The following TSSK4 variants were observed in gnomAD, a reference collection of about 807,000 sequenced individuals.
TSSK4 encodes testis-specific serine/threonine-protein kinase 4.
TSSK4 carries 22 observed loss-of-function variants against 28.5 expected under a neutral mutation model. The observed-to-expected ratio is 0.77, with a 90% CI of 0.55 to 1.10. The LOEUF is 1.10. TSSK4 is among the 50% of genes least tolerant of loss of function. The probability of loss-of-function intolerance (pLI) is 0.00; values close to 1 mark genes in which losing one functional copy is unlikely to be tolerated. For synonymous variants in TSSK4, 151 were observed against 158.3 expected (o/e 0.95, Z 0.35); for missense variants, 329 against 415.4 (o/e 0.79, Z 1.81).
In TSSK4 at chr14:24,208,107, C is replaced by CACCACTAA. The variant is rs769579318; in HGVS notation, c.981_988dup (p.Gln330ProfsTer16). The CACCACTAA allele has an allele frequency of 6.2e-7, 1 of 1,613,268 alleles. No individual in the cohort carries two copies. The highest frequency in any genetic ancestry group is 1.1e-5 in the South Asian group (1 of 91,062). On this transcript the variant is annotated frameshift_variant, in exon 4 of 4. Coordinates refer to ENST00000339917, the MANE Select transcript of TSSK4 (RefSeq NM_001184739.2). LOFTEE classifies it high-confidence loss of function. ...TTGAGGCCATGTGCCAGCTCCACAA[C>CACCACTAA]ACCACTAAACAGCACCAATCCTTGC...
Position 24,208,176 on chromosome 14 carries a change from A to G in TSSK4, c.*30A>G. On this transcript the variant is annotated 3_prime_UTR_variant, in exon 4 of 4. Coordinates refer to ENST00000339917, the MANE Select transcript of TSSK4 (RefSeq NM_001184739.2). Reference sequence around the variant, plus strand: ...GGCTGAGGGAGGGGGCTAAGAGAGGAGCAAAGCAGGAGGTCTTGGGCTAAA... The same window carrying G: ...GGCTGAGGGAGGGGGCTAAGAGAGGGGCAAAGCAGGAGGTCTTGGGCTAAA... The G allele has an allele frequency of 1.3e-6, 2 of 1,560,282 alleles. No homozygotes were observed. Among genetic ancestry groups the G allele is most frequent in the African/African-American group, 1.4e-5 (1 of 73,122 alleles).
chr14:24,206,194 T>G (rs2138852222), intron 1 of TSSK4, 46 bp downstream of exon 1: 1 of 1,584,446 alleles, frequency 6.3e-7, no homozygotes, highest in African/African-American at 1.3e-5. Context: ...GGTACTAAGC[T>G]GCTTGAGGTT....
chr14:24,206,855 A>G, intron 2 of TSSK4, 132 bp downstream of exon 2: 1 of 1,069,664 alleles, frequency 9.3e-7, no homozygotes, highest in East Asian at 2.6e-5. Flanking sequence ...CTCTATTTTA[A>G]TCATATGGTC....
chr14:24,206,984 A>T, intron 2 of TSSK4, 132 bp from the exon 3 acceptor site: 1 of 1,318,008 alleles, frequency 7.6e-7, no homozygotes, highest in South Asian at 1.2e-5. Flanking sequence ...TCTGCTCACA[A>T]CTCCATGGCT....
Position 24,206,028 on chromosome 14 carries a change from C to T in TSSK4, c.105C>T (p.Ser35=). 2 of 1,614,216 alleles carry T rather than the reference C, an allele frequency of 1.2e-6. No homozygotes were observed. The highest frequency in any genetic ancestry group is 1.7e-6 in the Non-Finnish European group (2 of 1,180,042). ...TGGGCAAGGCCATTGGCCATGGCTC[C>T]TATGGGTCGGTATATGAGGCTTTCT... The part of the protein sequence containing the change: ...YEVGKAIGHG[S]YGSVYEAFYT... Residue 35 remains serine (S), a synonymous_variant, in exon 1 of 4, where the codon TCC becomes TCT. Transcript: ENST00000339917.
Position 24,208,142 on chromosome 14 carries a change from C to A in TSSK4, c.1013C>A (p.Thr338Asn), listed in dbSNP as rs556841296. ...TKQHQSLQIT[T>N] ...CAGCACCAATCCTTGCAAATTACGA[C>A]CTGAAAATGGCTGAGGGAGGGGGCT... The change falls in exon 4 of 4, where the codon ACC becomes AAC. Residue 338 changes from threonine to asparagine, a missense_variant. By Grantham distance (65) the Thr-to-Asn change is moderately conservative (BLOSUM62 0). Transcript: ENST00000339917. 2.5e-6 allele frequency: 4 copies of A among 1,599,346 alleles called. 1 individual carries two copies. The African/African-American group carries it at 4.0e-5, about 16-fold the overall frequency.
At chr14:24,207,022 T>C in intron 2 of TSSK4, 94 bp from the exon 3 acceptor site, 1 of 1,531,200 alleles carries the variant, frequency 6.5e-7, no homozygotes, top group Non-Finnish European at 8.9e-7. Flanking sequence ...TGTGCCCTCA[T>C]AATGGTTTCT....
rs1210757689 is a variant in TSSK4, at chr14:24,206,529, C to G, written c.246C>G (p.His82Gln). ...GTCAGGTAATGAAAGTCTTGCGGCA[C>G]AAGTACCTCATCAACTTCTATCGGG... Reference protein sequence around the residue: ...REIQVMKVLRHKYLINFYRAI... With the variant: ...REIQVMKVLRQKYLINFYRAI... The change falls in exon 2 of 4, where the codon CAC (histidine) becomes CAG (glutamine). Residue 82 changes from histidine (H) to glutamine (Q), a missense_variant. Around this residue, in one of 3 missense-constraint regions of TSSK4, gnomAD observed 175 missense variants for 196.0 expected, o/e 0.89. Coordinates refer to ENST00000339917, the MANE Select transcript of TSSK4 (RefSeq NM_001184739.2). 1 of 1,614,098 alleles carries G rather than the reference C, an allele frequency of 6.2e-7. No homozygotes were observed. Among genetic ancestry groups the G allele is most frequent in the African/African-American group, 1.3e-5 (1 of 74,934 alleles).
chr14:24,206,732 G>A lies in TSSK4; in HGVS notation c.440+9G>A, dbSNP rs776590306. The stretch of plus-strand genomic sequence containing the variant: ...AAGAGCATCGTGCACCGGTGAGGGC[G>A]CTGCCACCCAGACTGGGGCCTTTGC... On this transcript the variant is annotated intron_variant, in intron 2 of 3. Coordinates refer to ENST00000339917, the MANE Select transcript of TSSK4 (RefSeq NM_001184739.2). 1.2e-6 allele frequency: 2 copies of A among 1,612,480 alleles called. No individual in the cohort carries two copies. Among genetic ancestry groups the A allele is most frequent in the Middle Eastern group, 1.9e-4 (1 of 5,312 alleles).
rs777543019 is a variant in TSSK4, at chr14:24,206,063, A to C, written c.140A>C (p.Gln47Pro). ...GSVYEAFYTK[Q>P]KVMVAVKIIS... ...GTATATGAGGCTTTCTACACAAAGCAGAAGGTTATGGTGGCAGTCAAGATC... is the reference window on the plus strand; with the variant it reads ...GTATATGAGGCTTTCTACACAAAGCCGAAGGTTATGGTGGCAGTCAAGATC... The change falls in exon 1 of 4, where the codon CAG (glutamine) becomes CCG (proline). Residue 47 changes from glutamine to proline, a missense_variant. This residue lies in a region of TSSK4 where 175 missense variants were observed against 196.0 expected (regional missense o/e 0.89). Coordinates refer to ENST00000339917, the MANE Select transcript of TSSK4 (RefSeq NM_001184739.2). 1.2e-6 allele frequency: 2 copies of C among 1,614,198 alleles called. No homozygotes were observed.
chr14:24,207,557 G>A (rs1186585947), intron 3 of TSSK4, 48 bp downstream of exon 3: 1 of 1,543,800 alleles, frequency 6.5e-7, no homozygotes, highest in Non-Finnish European at 8.7e-7. Flanking sequence ...GACCCACAGG[G>A]AGGGGTGAAT....
rs534431218 is a variant in TSSK4, at chr14:24,205,879, G to A, written c.-45G>A. The stretch of plus-strand genomic sequence containing the variant: ...TCAAGGTGTTGGCCTTTGGATAGGA[G>A]GCTTCCAAGTAGTAAAGCTCCCTGC... On this transcript the variant is annotated 5_prime_UTR_variant, in exon 1 of 4. Coordinates refer to ENST00000339917, the MANE Select transcript of TSSK4 (RefSeq NM_001184739.2). 5.3e-6 allele frequency: 8 copies of A among 1,519,300 alleles called. No individual in the cohort carries two copies. In the East Asian group the frequency reaches 1.4e-4, roughly 26 times the overall value. The allele number at this position is 1,519,300 out of a possible 1,614,324, so 94.1% of individuals were successfully genotyped here.
rs772228362 is a variant in TSSK4 at position 24,207,189 on chromosome 14, GT to G, written c.515del (p.Val172GlyfsTer27). 1.2e-6 allele frequency: 2 copies of G among 1,614,040 alleles called. No individual in the cohort carries two copies. The highest frequency in any genetic ancestry group is 1.1e-5 in the South Asian group (1 of 91,092). ...ENLLLDKWEN[V>X]KISDFGFAKM... ...CCTGTTGCTGGACAAGTGGGAGAATGTGAAGATATCAGACTTTGGCTTTGCC... is the reference window on the plus strand; with the variant it reads ...CCTGTTGCTGGACAAGTGGGAGAATGGAAGATATCAGACTTTGGCTTTGCC... On this transcript the variant is annotated frameshift_variant, in exon 3 of 4. Transcript: ENST00000339917. LOFTEE classifies it high-confidence loss of function.
chr14:24,207,879 G>C (rs1391452924), intron 3 of TSSK4, 85 bp from the exon 4 acceptor site: 41 of 1,606,236 alleles, frequency 2.6e-5, no homozygotes, highest in Non-Finnish European at 2.7e-5. Flanking sequence ...GGGCTATCCT[G>C]CTTCTTTCTT....
intron 1 of TSSK4, 95 bp downstream of exon 1, chr14:24,206,243 A>G: frequency 8.5e-7 from 1 of 1,181,190 alleles, no homozygotes; most frequent in Non-Finnish European, 1.2e-6. Flanking sequence ...GGGGCCAGAA[A>G]CCCCTAAACC....
intron 3 of TSSK4, 136 bp from the exon 4 acceptor site, chr14:24,207,828 T>C: frequency 3.3e-6 from 5 of 1,536,600 alleles, no homozygotes; most frequent in Non-Finnish European, 4.4e-6. Context: ...GTCTCCAAGA[T>C]AAAATCAGAG....
At chr14:24,207,577 AG>A (rs776676244) in intron 3 of TSSK4, 68 bp downstream of exon 3, 7 of 1,522,046 alleles carry the variant, frequency 4.6e-6, no homozygotes, top group Non-Finnish European at 6.2e-6. Context: ...TATCCAACCT[AG>A]GTCACCCAAC....
chr14:24,207,367 A>T lies in TSSK4; in HGVS notation c.692A>T (p.Asp231Val). 1 of 1,614,070 alleles carries T rather than the reference A, an allele frequency of 6.2e-7. No homozygotes were observed. Among genetic ancestry groups the T allele is most frequent in the Non-Finnish European group, 8.5e-7 (1 of 1,180,010 alleles). ...RGLPYNPFLS[D>V]TWSMGVILYT... ...TTGCCCTACAACCCTTTCCTGTCTG[A>T]CACCTGGAGCATGGGCGTCATCCTT... Residue 231 changes from aspartate (D) to valine (V), a missense_variant, in exon 3 of 4, where the codon GAC becomes GTC. Asp to Val is a radical substitution (Grantham distance 152, BLOSUM62 -3). Transcript: ENST00000339917.
In TSSK4 at chr14:24,206,742, A is replaced by G; in HGVS notation, c.440+19A>G. 1 of 1,611,704 alleles carries G rather than the reference A, an allele frequency of 6.2e-7. No homozygotes were observed. Among genetic ancestry groups the G allele is most frequent in the Non-Finnish European group, 8.5e-7 (1 of 1,178,956 alleles). ...TGCACCGGTGAGGGCGCTGCCACCC[A>G]GACTGGGGCCTTTGCCCTCAAGGGG... is the stretch of plus-strand genomic sequence containing the variant. On this transcript the variant is annotated intron_variant, in intron 2 of 3. Transcript: ENST00000339917.
Sources: gnomAD v4.1 joint callset for allele counts on GRCh38, gnomAD v4.1.1 for gene constraint, gnomAD v4.1.1 regional missense constraint, MANE v1.5 for transcripts, NCBI Gene and HGNC (gene_info 2026-07-23, HGNC 2026-07-21) for gene names.